The following ATP7B variants were observed in gnomAD, a reference collection of about 807,000 sequenced individuals.
ATP7B encodes the protein ATPase copper transporting beta.
A neutral mutation model predicts 118.9 loss-of-function variants in ATP7B; 113 were observed. The observed-to-expected ratio is 0.95, with a 90% CI of 0.82 to 1.11. ATP7B has a LOEUF of 1.11. Ranked by LOEUF, ATP7B falls within the 50% of genes most tolerant of loss-of-function variation. ATP7B has a pLI of 0.00. For synonymous variants in ATP7B, 777 were observed against 727.4 expected (o/e 1.07, Z -1.10); for missense variants, 1,867 against 1,871.4 (o/e 1.00, Z 0.04).
chr13:51,972,776 G>A (rs1951903501), intron 2 of ATP7B, among the ~76,000 whole-genome samples: 1 of 152,178 alleles, frequency 6.6e-6, no homozygotes, highest in Non-Finnish European at 1.5e-5. Flanking sequence ...GAGGCGGGAG[G>A]ATTGCTAGAG....
chr13:51,944,012 C>G, intron 14 of ATP7B, 97 bp downstream of exon 14: 1 of 1,517,344 alleles, frequency 6.6e-7, no homozygotes. Flanking sequence ...CCAGACCACA[C>G]AGAGAAGGCT....
intron 2 of ATP7B, 74 bp downstream of exon 2, chr13:51,973,861 C>G: frequency 6.3e-7 from 1 of 1,597,780 alleles, no homozygotes; most frequent in Admixed American, 1.7e-5. Flanking sequence ...CTCACCTATA[C>G]CACCATCCAG....
At chr13:51,969,760 AACACC>A (rs1198556241) in intron 3 of ATP7B, among the ~76,000 whole-genome samples, 1 of 152,192 alleles carries the variant, frequency 6.6e-6, no homozygotes, top group Non-Finnish European at 1.5e-5. Flanking sequence ...ATCTCCTATT[AACACC>A]TCCATCTGCT....
intron 1 of ATP7B, among the ~76,000 whole-genome samples, chr13:51,999,302 G>A (rs1953372500): frequency 6.6e-6 from 1 of 152,138 alleles, no homozygotes. Context: ...GGGAAGGACT[G>A]GTGGGCTTTA....
At chr13:51,950,485 T>C in intron 9 of ATP7B, 86 bp from the exon 10 acceptor site, 1 of 1,574,564 alleles carries the variant, frequency 6.4e-7, no homozygotes, top group Non-Finnish European at 8.7e-7. Flanking sequence ...ATAGTTACAC[T>C]GTATTTGCTT....
At chr13:51,960,112 T>C (rs759554197) in intron 7 of ATP7B, 36 bp downstream of exon 7, 7 of 1,596,480 alleles carry the variant, frequency 4.4e-6, no homozygotes, top group East Asian at 4.5e-5. Flanking sequence ...ACACACAGCA[T>C]GGAAGGGAGA....
intron 16 of ATP7B, 141 bp downstream of exon 16, chr13:51,940,940 C>G: frequency 7.7e-7 from 1 of 1,295,986 alleles, no homozygotes; most frequent in African/African-American, 1.5e-5. Context: ...AAAAGACAAT[C>G]TTCTGGAAAA....
At chr13:51,954,923 G>A (rs1958240215) in intron 9 of ATP7B, among the ~76,000 whole-genome samples, 1 of 152,178 alleles carries the variant, frequency 6.6e-6, no homozygotes, top group South Asian at 2.1e-4. Context: ...GACAGAGGCA[G>A]TACCACCAGA....
At chr13:51,959,904 C>G in intron 7 of ATP7B, 2 of 548,516 alleles carry the variant, frequency 3.6e-6, no homozygotes, top group South Asian at 2.0e-5. Flanking sequence ...TGATCACTTG[C>G]AATCAACTGA....
At chr13:51,991,937 C>T (rs1243593819) in intron 1 of ATP7B, among the ~76,000 whole-genome samples, 1 of 152,118 alleles carries the variant, frequency 6.6e-6, no homozygotes, top group African/African-American at 2.4e-5. Flanking sequence ...CAAACAGAAA[C>T]TTTCTAATGT....
rs1278634529 is a variant in ATP7B, at chr13:51,960,307, G to A, written c.1962C>T (p.Phe654=). The A allele has an allele frequency of 3.7e-6, 6 of 1,613,360 alleles. No individual in the cohort carries two copies. Among genetic ancestry groups the A allele is most frequent in the Non-Finnish European group, 5.1e-6 (6 of 1,179,838 alleles). ...GGATGCCAAACACCAGGCTGCACAGGAAAGACTTCTTCCACCTGGAAAGCA... is the reference window on the plus strand; with the variant it reads ...GGATGCCAAACACCAGGCTGCACAGAAAAGACTTCTTCCACCTGGAAAGCA... ...KMEIKQWKKS[F]LCSLVFGIPV... is the part of the protein sequence containing the mutation. Residue 654 remains phenylalanine, a synonymous_variant, in exon 7 of 21, where the codon TTC becomes TTT. Transcript: ENST00000242839.
rs1349853812 is a variant in ATP7B at position 51,944,171 on chromosome 13, C to T, written c.3181G>A (p.Gly1061Arg). The change falls in exon 14 of 21, where the codon GGG becomes AGG. Residue 1061 changes from glycine (G) to arginine (R), a missense_variant. Gly to Arg is a moderately radical substitution (Grantham distance 125). Transcript: ENST00000242839. ...TGTTCACTGCTGGCCTCCGCAGTCC[C>T]CACCACAGCCAGAACCTTCCTGAGG... Reference protein sequence around the residue: ...LPLRKVLAVVGTAEASSEHPL... With the variant: ...LPLRKVLAVVRTAEASSEHPL... 1 of 1,614,076 alleles carries T rather than the reference C, an allele frequency of 6.2e-7. No homozygotes were observed. The highest frequency in any genetic ancestry group is 1.3e-5 in the African/African-American group (1 of 74,932).
intron 1 of ATP7B, chr13:51,995,448 A>G (rs898250426): frequency 1.7e-6 from 1 of 603,624 alleles, no homozygotes; most frequent in Non-Finnish European, 2.1e-6. Context: ...TTCCTAAAGG[A>G]CCACTGCTTG....
At position 51,932,730 on chromosome 13, in the gene ATP7B, T is replaced by C. The variant is rs749690503; in HGVS notation, c.*2026A>G. The C allele has an allele frequency of 1.3e-5, 2 of 152,216 alleles. No homozygotes were observed. Among genetic ancestry groups the C allele is most frequent in the Admixed American group, 6.5e-5 (1 of 15,286 alleles). The allele number at this position is 152,216 out of a possible 1,614,324, so 9.4% of individuals were successfully genotyped here. On this transcript the variant is annotated 3_prime_UTR_variant, in exon 21 of 21. Transcript: ENST00000242839. ...GCATGAAATGTTTTTGAAGTAGAAA[T>C]GATTATCTGACAAAAAAACTCCTTA...
intron 2 of ATP7B, among the ~76,000 whole-genome samples, chr13:51,971,612 C>T (rs916784486): frequency 1.3e-5 from 2 of 152,220 alleles, no homozygotes; most frequent in Non-Finnish European, 2.9e-5. Context: ...ATATTTCTTA[C>T]CTATTGCGTA....
Position 51,957,475 on chromosome 13 carries a change from A to G in ATP7B, c.2447+41T>C, listed in dbSNP as rs750250511. The G allele has an allele frequency of 3.2e-6, 5 of 1,576,514 alleles. No homozygotes were observed. The South Asian group carries it at 5.5e-5, about 17-fold the overall frequency. Reference sequence around the variant, plus strand: ...CATCTGATGCAGCTCACACAGATTGATAGATACCAACCACAAAGACATTTG... The same window carrying G: ...CATCTGATGCAGCTCACACAGATTGGTAGATACCAACCACAAAGACATTTG... On this transcript the variant is annotated intron_variant, in intron 9 of 20. Transcript: ENST00000242839.
At chr13:51,998,675 T>C (rs1259109146) in intron 1 of ATP7B, among the ~76,000 whole-genome samples, 1 of 152,208 alleles carries the variant, frequency 6.6e-6, no homozygotes, top group African/African-American at 2.4e-5. Context: ...TTACCTCCTA[T>C]TCGCCTTCCC....
rs760282247 is a variant in ATP7B, at chr13:51,970,633, C to T, written c.1402G>A (p.Ala468Thr). Reference sequence around the variant, plus strand: ...GCCAAGATGTCCGGGGCATGGTTTGCAGGGAGCCTCCCAGTGTGGGGAGCC... The same window carrying T: ...GCCAAGATGTCCGGGGCATGGTTTGTAGGGAGCCTCCCAGTGTGGGGAGCC... The part of the protein sequence containing the change: ...EVAPHTGRLP[A>T]NHAPDILAKS... The change falls in exon 3 of 21, where the codon GCA (alanine) becomes ACA (threonine). Residue 468 changes from alanine (A) to threonine (T), a missense_variant. Coordinates refer to ENST00000242839, the MANE Select transcript of ATP7B (RefSeq NM_000053.4). 2.0e-5 allele frequency: 32 copies of T among 1,614,064 alleles called. No individual in the cohort carries two copies. The South Asian group carries it at 3.3e-4, about 17-fold the overall frequency.
chr13:51,955,240 G>A (rs1422415274), intron 9 of ATP7B, among the ~76,000 whole-genome samples: 1 of 152,194 alleles, frequency 6.6e-6, no homozygotes, highest in Non-Finnish European at 1.5e-5. Context: ...AGAGTCACTG[G>A]GAAACCAGTG....
Sources: gnomAD v4.1 joint callset for allele counts (sites outside exome capture counted in the v4.1 genomes callset) on GRCh38, gnomAD v4.1.1 for gene constraint, MANE v1.5 for transcripts, NCBI Gene and HGNC (gene_info 2026-07-23, HGNC 2026-07-21) for gene names.